WASHC2C: variants seen among roughly 807,000 people sequenced by gnomAD.
WASHC2C encodes WASH complex subunit 2C, also known as Vaccinia Penetration Factor.
Under a neutral mutation model 142.2 loss-of-function variants are expected in WASHC2C, and 73 were observed. The observed-to-expected ratio is 0.51, with a 90% confidence interval of 0.43 to 0.62. The LOEUF (loss-of-function observed/expected upper bound fraction) is 0.62. Among genes scored for constraint, WASHC2C ranks in the 20% least tolerant of loss-of-function variants. The pLI is 0.00. For synonymous variants in WASHC2C, 337 were observed against 565.5 expected (o/e 0.60, Z 5.73); for missense variants, 969 against 1,531.7 (o/e 0.63, Z 6.13).
chr10:45,751,784 T>G (rs2053623052), intron 11 of WASHC2C, among the ~76,000 whole-genome samples: 1 of 152,184 alleles, frequency 6.6e-6, no homozygotes, highest in African/African-American at 2.4e-5. Context: ...AAGACCAGCC[T>G]GGCCAACATA....
chr10:45,769,129 T>C (rs1185261878), intron 19 of WASHC2C, among the ~76,000 whole-genome samples: 2 of 151,486 alleles, frequency 1.3e-5, no homozygotes, highest in Non-Finnish European at 2.9e-5. Flanking sequence ...TTTTTTTTCT[T>C]TTTTTTGAGA....
intron 23 of WASHC2C, among the ~76,000 whole-genome samples, chr10:45,781,295 C>G (rs1554887945): frequency 6.6e-6 from 1 of 152,240 alleles, no homozygotes; most frequent in African/African-American, 2.4e-5. Context: ...ATACTTCCTT[C>G]CCAAATTGAT....
At chr10:45,771,933 A>T (rs1180497556) in intron 20 of WASHC2C, among the ~76,000 whole-genome samples, 1 of 152,216 alleles carries the variant, frequency 6.6e-6, no homozygotes, top group Non-Finnish European at 1.5e-5. Flanking sequence ...AGTTGTTCAT[A>T]TAAAAACTTG....
chr10:45,767,086 G>A (rs561533529), intron 19 of WASHC2C, among the ~76,000 whole-genome samples: 71 of 151,198 alleles, frequency 4.7e-4, no homozygotes, highest in African/African-American at 1.7e-3. Flanking sequence ...AACCAACATG[G>A]AGAAACCTTG....
rs1422397873 is a variant in WASHC2C at position 45,789,185 on chromosome 10, C to A, written c.3402C>A (p.Asp1134Glu). 8 of 1,611,930 alleles carry A rather than the reference C, an allele frequency of 5.0e-6. No homozygotes were observed. The African/African-American group carries it at 1.1e-4, about 22-fold the overall frequency. The change falls in exon 29 of 31, where the codon GAC (aspartate) becomes GAA (glutamate). Residue 1134 changes from aspartate (D) to glutamate (E), a missense_variant. Transcript: ENST00000623400. Reference protein sequence around the residue: ...RGEADLFDSGDIFSTGTGSQS... With the variant: ...RGEADLFDSGEIFSTGTGSQS... ...AGGCTGACCTTTTTGATTCTGGGGA[C>A]ATTTTTTCCACGGGCACTGGATCTC...
intron 23 of WASHC2C, among the ~76,000 whole-genome samples, chr10:45,783,475 G>C (rs2057677558): frequency 1.3e-5 from 2 of 151,966 alleles, no homozygotes; most frequent in Non-Finnish European, 2.9e-5. Flanking sequence ...GTTTTGTTTT[G>C]TTTTGAGATG....
In WASHC2C at chr10:45,729,221, G is replaced by T. The variant is rs550900789; in HGVS notation, c.291+195G>T. 2.7e-3 allele frequency among the ~76,000 whole-genome samples: 413 copies of T among 152,194 alleles called. 7 individuals carry two copies. Among genetic ancestry groups the T allele is most frequent in the East Asian group, 0.025 (130 of 5,180 alleles). Reference sequence around the variant, plus strand: ...TCCTTTTTTCCAAGCCTCTAAAAAAGTCTAATGATAAAATTTTCTTATACT... The same window carrying T: ...TCCTTTTTTCCAAGCCTCTAAAAAATTCTAATGATAAAATTTTCTTATACT... On this transcript the variant is annotated intron_variant, in intron 3 of 30. Transcript: ENST00000623400.
chr10:45,727,130 C>G (rs75179203), upstream of WASHC2C: 328,014 of 1,417,568 alleles, frequency 0.23, 32,879 homozygotes, highest in East Asian at 0.5. Context: ...AACTCCAGTC[C>G]CAGTCCACTT....
At chr10:45,735,723 A>G (rs1554864289) in intron 3 of WASHC2C, among the ~76,000 whole-genome samples, 2 of 152,258 alleles carry the variant, frequency 1.3e-5, no homozygotes, top group Admixed American at 1.3e-4. Flanking sequence ...TTCAAGAAGT[A>G]GAATTTTGGG....
rs782238765 is a variant in WASHC2C at position 45,786,584 on chromosome 10, A to G, written c.2812-28A>G. The G allele has an allele frequency of 3.7e-5, 60 of 1,610,860 alleles. 1 individual carries two copies. In the East Asian group the frequency reaches 1.3e-3, roughly 36 times the overall value. On this transcript the variant is annotated intron_variant, in intron 26 of 30. Coordinates refer to ENST00000623400, the MANE Select transcript of WASHC2C (RefSeq NM_001330074.2). ...ACTTGTCTTTCTGTTTCCCAAATGG[A>G]TTTTTAACTGGATGTAATCTTACAC...
chr10:45,749,869 A>ATT (rs2053377106), intron 8 of WASHC2C, among the ~76,000 whole-genome samples: 2 of 138,716 alleles, frequency 1.4e-5, no homozygotes, highest in South Asian at 2.2e-4. Context: ...ATATATATAT[A>ATT]TATTTATATT....
chr10:45,727,417 A>G lies in WASHC2C; in HGVS notation c.4A>G (p.Met2Val). 1 of 1,611,244 alleles carries G rather than the reference A, an allele frequency of 6.2e-7. No homozygotes were observed. Among genetic ancestry groups the G allele is most frequent in the Non-Finnish European group, 8.5e-7 (1 of 1,179,414 alleles). The change falls in exon 2 of 31, where the codon ATG (methionine) becomes GTG (valine). Residue 2 changes from methionine to valine, a missense_variant and splice_region_variant. By Grantham distance (21) the Met-to-Val change is conservative (BLOSUM62 1). Coordinates refer to ENST00000623400, the MANE Select transcript of WASHC2C (RefSeq NM_001330074.2). ...TCTCTTCTCGTTTTTTTCGCTGCAG[A>G]TGAACCGGACGACCCCCGACCAGGA... is the stretch of plus-strand genomic sequence containing the variant. M[M>V]NRTTPDQELV... is the part of the protein sequence containing the mutation.
chr10:45,735,027 C>T (rs1336728686), intron 3 of WASHC2C, among the ~76,000 whole-genome samples: 3 of 151,636 alleles, frequency 2.0e-5, no homozygotes, highest in Admixed American at 6.6e-5. Context: ...AAAATCAGGC[C>T]TCCATGGAAT....
At chr10:45,770,421 C>T (rs2056465380) in intron 20 of WASHC2C, among the ~76,000 whole-genome samples, 1 of 149,074 alleles carries the variant, frequency 6.7e-6, no homozygotes, top group African/African-American at 2.5e-5. Context: ...TCAGAGTGAG[C>T]GTGGGCTGTG....
At chr10:45,742,906 GCT>G in intron 5 of WASHC2C, among the ~76,000 whole-genome samples, 1 of 117,268 alleles carries the variant, frequency 8.5e-6, no homozygotes, top group South Asian at 2.7e-4. Flanking sequence ...ATGGAGTTTT[GCT>G]CTTATTGCCC....
intron 8 of WASHC2C, 107 bp downstream of exon 8, chr10:45,746,754 A>G: frequency 1.4e-6 from 2 of 1,460,026 alleles, no homozygotes; most frequent in Non-Finnish European, 1.9e-6. Context: ...GGATTTTTTC[A>G]TGTATACAAT....
At chr10:45,737,865 T>G in intron 3 of WASHC2C, 118 bp from the exon 4 acceptor site, 1 of 1,605,842 alleles carries the variant, frequency 6.2e-7, no homozygotes, top group Non-Finnish European at 8.5e-7. Flanking sequence ...CTCAGCCCTT[T>G]GCTGAATAAC....
Position 45,789,022 on chromosome 10 carries a change from G to A in WASHC2C, c.3239G>A (p.Arg1080Gln), listed in dbSNP as rs2058245246. 17 of 1,611,990 alleles carry A rather than the reference G, an allele frequency of 1.1e-5. No individual in the cohort carries two copies. The highest frequency in any genetic ancestry group is 8.8e-5 in the South Asian group (8 of 90,984). ...GGCGCCATTTCCCCAAATGGCCATC[G>A]GCCACAGCTCAGAGCAGCCAGTGGA... ...ADGAISPNGH[R>Q]PQLRAASGED... Residue 1080 changes from arginine to glutamine, a missense_variant, in exon 29 of 31, where the codon CGG (arginine) becomes CAG (glutamine). Coordinates refer to ENST00000623400, the MANE Select transcript of WASHC2C (RefSeq NM_001330074.2).
In WASHC2C at chr10:45,792,513, G is replaced by T; in HGVS notation, c.*113G>T. On this transcript the variant is annotated 3_prime_UTR_variant, in exon 31 of 31. Transcript: ENST00000623400. ...CAAAAAGCAAATACTAGAACAGCTAGCTCATCTTTTACCCAATGTACTTAG... is the reference window on the plus strand; with the variant it reads ...CAAAAAGCAAATACTAGAACAGCTATCTCATCTTTTACCCAATGTACTTAG... 1 of 1,479,114 alleles carries T rather than the reference G, an allele frequency of 6.8e-7. No individual in the cohort carries two copies. The highest frequency in any genetic ancestry group is 2.1e-5 in the Admixed American group (1 of 47,186). 91.6% of individuals were successfully genotyped at this position (1,479,114 alleles called of 1,614,324 possible). A position where few individuals can be genotyped will look rare whatever the true frequency, so the allele number is the denominator to read the frequency against.
Sources: gnomAD v4.1 joint callset for allele counts (sites outside exome capture counted in the v4.1 genomes callset) on GRCh38, gnomAD v4.1.1 for gene constraint, MANE v1.5 for transcripts, NCBI Gene and HGNC (gene_info 2026-07-23, HGNC 2026-07-21) for gene names.